Variants in CCDC14 observed in about 807,000 individuals in gnomAD.
The protein encoded by CCDC14 is coiled-coil domain containing 14.
A neutral mutation model predicts 81.4 loss-of-function variants in CCDC14; 71 were observed. The observed-to-expected ratio is 0.87, with a 90% CI of 0.72 to 1.06. The LOEUF is 1.06. Ranked by LOEUF, CCDC14 falls within the 50% of genes least tolerant of loss-of-function variation. The pLI, the probability that CCDC14 is intolerant of heterozygous loss-of-function variation, is 0.00. For missense variants in CCDC14, 1,046 were observed against 1,047.3 expected (o/e 1.00, Z 0.02); for synonymous variants, 332 against 364.8 (o/e 0.91, Z 1.03).
At chr3:123,935,758 T>C (rs2036025394) in intron 9 of CCDC14, among the ~76,000 whole-genome samples, 1 of 152,188 alleles carries the variant, frequency 6.6e-6, no homozygotes, top group Non-Finnish European at 1.5e-5. Context: ...CTTTTGTATG[T>C]CCCTGGTCAG....
chr3:123,961,022 C>T, intron 1 of CCDC14, 122 bp downstream of exon 1: 1 of 845,886 alleles, frequency 1.2e-6, no homozygotes, highest in South Asian at 1.8e-5. Context: ...TCTGTCCCAG[C>T]ACTTTAATGT....
chr3:123,893,537 T>A (rs111316527), downstream of CCDC14, among the ~76,000 whole-genome samples: 535 of 152,326 alleles, frequency 3.5e-3, 4 homozygotes, highest in African/African-American at 0.012. Context: ...AATATTGGCA[T>A]ATGAGTATTG....
Position 123,914,152 on chromosome 3 carries a change from A to G in CCDC14, c.*627T>C, listed in dbSNP as rs1415830727. ...ATTCTTTAAAGGCCTTAAAACATGA[A>G]TTTGGGATAAAAACAAATAAAAGTG... On this transcript the variant is annotated 3_prime_UTR_variant, in exon 13 of 13. Transcript: ENST00000409697. 1 of 985,376 alleles carries G rather than the reference A, an allele frequency of 1.0e-6. No homozygotes were observed. Among genetic ancestry groups the G allele is most frequent in the Non-Finnish European group, 1.2e-6 (1 of 829,588 alleles). The allele number at this position is 985,376 out of a possible 1,614,324, so 61.0% of individuals were successfully genotyped here.
chr3:123,888,105 AGTTCT>A, the CCDC14 span, among the ~76,000 whole-genome samples: 1 of 151,760 alleles, frequency 6.6e-6, no homozygotes, highest in South Asian at 2.1e-4. Context: ...TTCTTCTGTG[AGTTCT>A]GTTCTAATTT....
intron 9 of CCDC14, among the ~76,000 whole-genome samples, chr3:123,939,817 A>G (rs973504008): frequency 6.6e-6 from 1 of 151,834 alleles, no homozygotes; most frequent in African/African-American, 2.4e-5. Context: ...AAATTCAGAG[A>G]CAAAAACAAC....
rs777307907 is a variant in CCDC14 at position 123,915,432 on chromosome 3, T to TA, written c.2064dup (p.Asn689Ter). The TA allele has an allele frequency of 2.5e-6, 4 of 1,614,024 alleles. No homozygotes were observed. Among genetic ancestry groups the TA allele is most frequent in the Non-Finnish European group, 3.4e-6 (4 of 1,179,898 alleles). ...GATGCTTCCTCCATGCCCCTAGTGTTACTATTTTGAGGGCCTCTGGAGGAC... is the reference window on the plus strand; with the variant it reads ...GATGCTTCCTCCATGCCCCTAGTGTTAACTATTTTGAGGGCCTCTGGAGGAC... On this transcript the variant is annotated frameshift_variant, in exon 13 of 13. Coordinates refer to ENST00000409697, the MANE Select transcript of CCDC14 (RefSeq NM_001366335.1). LOFTEE classifies it low-confidence loss of function (END_TRUNC).
Position 123,914,679 on chromosome 3 carries a change from C to A in CCDC14, c.*100G>T, listed in dbSNP as rs72962757. Reference sequence around the variant, plus strand: ...TACTTGTACAATATATTACTTCACACATAATAACATAAAACATCATTTCAC... The same window carrying A: ...TACTTGTACAATATATTACTTCACAAATAATAACATAAAACATCATTTCAC... On this transcript the variant is annotated 3_prime_UTR_variant, in exon 13 of 13. Transcript: ENST00000409697. 1.2e-4 allele frequency: 167 copies of A among 1,437,062 alleles called. No individual in the cohort carries two copies. The African/African-American group carries it at 2.2e-3, about 19-fold the overall frequency. 89.0% of individuals were successfully genotyped at this position (1,437,062 alleles called of 1,614,324 possible).
intron 9 of CCDC14, among the ~76,000 whole-genome samples, chr3:123,940,302 C>G (rs1438143828): frequency 6.6e-6 from 1 of 151,592 alleles, no homozygotes; most frequent in Admixed American, 6.6e-5. Context: ...TTTCTGAGTT[C>G]ACTTAACTCA....
At chr3:123,904,202 G>C (rs889889357) in intron 5 of CCDC14, among the ~76,000 whole-genome samples, 1 of 151,908 alleles carries the variant, frequency 6.6e-6, no homozygotes, top group Non-Finnish European at 1.5e-5. Flanking sequence ...ATTTCCCTAA[G>C]GTACTTCTAA....
At chr3:123,918,769 A>G (rs1403796863) in intron 12 of CCDC14, among the ~76,000 whole-genome samples, 2 of 152,154 alleles carry the variant, frequency 1.3e-5, no homozygotes, top group African/African-American at 4.8e-5. Context: ...AGCGGAAAAC[A>G]AAAAAGAGGG....
rs756881168 is a variant in CCDC14 at position 123,956,676 on chromosome 3, A to G, written c.86+64T>C. On this transcript the variant is annotated intron_variant, in intron 2 of 12. Coordinates refer to ENST00000409697, the MANE Select transcript of CCDC14 (RefSeq NM_001366335.1). ...AATTTTCTGGGGTAGACGACATGTC[A>G]TCCAGCCCAAAGACCTGAAAAATTC... The G allele has an allele frequency of 5.8e-5, 76 of 1,318,328 alleles. 1 individual carries two copies. The Middle Eastern group carries it at 2.0e-3, about 35-fold the overall frequency. The allele number at this position is 1,318,328 out of a possible 1,614,324, so 81.7% of individuals were successfully genotyped here. A position where few individuals can be genotyped will look rare whatever the true frequency, so the allele number is the denominator to read the frequency against.
chr3:123,886,762 A>C, the CCDC14 span, among the ~76,000 whole-genome samples: 1 of 152,190 alleles, frequency 6.6e-6, no homozygotes, highest in African/African-American at 2.4e-5. Flanking sequence ...ATTCATTGTT[A>C]CTAGGTTGGT....
downstream of CCDC14, among the ~76,000 whole-genome samples, chr3:123,908,707 G>A (rs2034377674): frequency 6.6e-6 from 1 of 152,144 alleles, no homozygotes; most frequent in Admixed American, 6.5e-5. Context: ...TTTAAAATCT[G>A]ACCAGACAGA....
At chr3:123,928,737 G>T (rs189863755) in intron 12 of CCDC14, among the ~76,000 whole-genome samples, 1 of 152,028 alleles carries the variant, frequency 6.6e-6, no homozygotes, top group African/African-American at 2.4e-5. Context: ...AAATTATAAC[G>T]TTTACTTAGG....
the CCDC14 span, among the ~76,000 whole-genome samples, chr3:123,890,631 A>T: frequency 6.6e-6 from 1 of 152,190 alleles, no homozygotes; most frequent in African/African-American, 2.4e-5. Flanking sequence ...CACTGATGTG[A>T]GAGGTGGGTT....
intron 12 of CCDC14, among the ~76,000 whole-genome samples, chr3:123,922,111 T>A (rs1341897122): frequency 4.6e-5 from 7 of 152,146 alleles, no homozygotes. Context: ...TTAAGCAACA[T>A]GCTGCTGAAC....
chr3:123,933,134 C>G (rs1039594139), intron 10 of CCDC14, among the ~76,000 whole-genome samples: 1 of 77,478 alleles, frequency 1.3e-5, no homozygotes, highest in Admixed American at 1.2e-4. Flanking sequence ...ACAAACAAAG[C>G]TGACATATAT....
downstream of CCDC14, among the ~76,000 whole-genome samples, chr3:123,892,718 T>C (rs144012818): frequency 0.58 from 87,775 of 151,814 alleles, 25,629 homozygotes; most frequent in Admixed American, 0.63. Context: ...GGGACACAAA[T>C]TCAAACCATT....
chr3:123,942,961 G>A (rs2148903511), intron 9 of CCDC14, among the ~76,000 whole-genome samples: 1 of 152,126 alleles, frequency 6.6e-6, no homozygotes, highest in South Asian at 2.1e-4. Flanking sequence ...ATGTCTAAGT[G>A]TGGTGGGGCT....
Sources: allele counts gnomAD v4.1 joint callset (sites outside exome capture counted in the v4.1 genomes callset), GRCh38; gene constraint gnomAD v4.1.1; transcripts MANE v1.5; gene names NCBI Gene and HGNC (gene_info 2026-07-23, HGNC 2026-07-21).